Variants in OR13F1 observed in about 807,000 individuals in gnomAD.
OR13F1 encodes olfactory receptor family 13 subfamily F member 1, also known as olfactory receptor 13F1.
For missense variants in OR13F1, 386 were observed against 384.5 expected (o/e 1.00, Z -0.03); for synonymous variants, 142 against 149.1 (o/e 0.95, Z 0.34).
Position 104,504,977 on chromosome 9 carries a change from T to C in OR13F1, c.715T>C (p.Ser239Pro). Residue 239 changes from serine (S) to proline (P), a missense_variant, in exon 1 of 1, where the codon TCA becomes CCA. Transcript: ENST00000334726. ...SSVEGRSKAF[S>P]TCTAHLMVVV... ...AGTGGAAGGTCGAAGTAAAGCCTTT[T>C]CAACGTGCACAGCCCACCTGATGGT... The C allele has an allele frequency of 6.2e-7, 1 of 1,614,200 alleles. No homozygotes were observed. The highest frequency in any genetic ancestry group is 8.5e-7 in the Non-Finnish European group (1 of 1,180,036).
rs752827128 is a variant in OR13F1, at chr9:104,504,469, G to A, written c.207G>A (p.Leu69=). 6.2e-7 allele frequency: 1 copy of A among 1,613,662 alleles called. No individual in the cohort carries two copies. The highest frequency in any genetic ancestry group is 1.1e-5 in the South Asian group (1 of 91,058). Residue 69 remains leucine (L), a synonymous_variant, in exon 1 of 1, where the codon CTG becomes CTA. Transcript: ENST00000334726. Reference sequence around the variant, plus strand: ...TCTTCCTCAGCAATCTCTCCTTTCTGGACATCTGGTACTCCTCTTCTGCCC... The same window carrying A: ...TCTTCCTCAGCAATCTCTCCTTTCTAGACATCTGGTACTCCTCTTCTGCCC... The part of the protein sequence containing the change: ...MYLFLSNLSF[L]DIWYSSSALS...
chr9:104,504,628 G>A lies in OR13F1; in HGVS notation c.366G>A (p.Arg122=), dbSNP rs41277751. ...CVLLPMMAYD[R]YVAICNPLRY... is the part of the protein sequence containing the mutation. ...TCCTGCCCATGATGGCATATGACCG[G>A]TATGTGGCCATCTGCAACCCCCTGA... is the stretch of plus-strand genomic sequence containing the variant. The change falls in exon 1 of 1, where the codon CGG becomes CGA. Residue 122 remains arginine, a synonymous_variant. Transcript: ENST00000334726. 3.1e-3 allele frequency: 4,976 copies of A among 1,614,150 alleles called. 11 individuals carry two copies. Among genetic ancestry groups the A allele is most frequent in the Non-Finnish European group, 3.6e-3 (4,293 of 1,180,010 alleles).
Position 104,504,962 on chromosome 9 carries a change from C to G in OR13F1, c.700C>G (p.Arg234Gly). ...SILRISSVEG[R>G]SKAFSTCTAH... ...CCTGAGAATCAGCTCAGTGGAAGGTCGAAGTAAAGCCTTTTCAACGTGCAC... is the reference window on the plus strand; with the variant it reads ...CCTGAGAATCAGCTCAGTGGAAGGTGGAAGTAAAGCCTTTTCAACGTGCAC... Residue 234 changes from arginine (R) to glycine (G), a missense_variant, in exon 1 of 1, where the codon CGA becomes GGA. By Grantham distance (125) the Arg-to-Gly change is moderately radical (BLOSUM62 -2). Transcript: ENST00000334726. 6.2e-7 allele frequency: 1 copy of G among 1,614,068 alleles called. No individual in the cohort carries two copies. Among genetic ancestry groups the G allele is most frequent in the South Asian group, 1.1e-5 (1 of 91,072 alleles).
rs372415307 is a variant in OR13F1 at position 104,505,052 on chromosome 9, G to A, written c.790G>A (p.Ala264Thr). 5.3e-5 allele frequency: 85 copies of A among 1,613,902 alleles called. No homozygotes were observed. Among genetic ancestry groups the A allele is most frequent in the African/African-American group, 2.7e-4 (20 of 74,872 alleles). ...TALSMHLKPS[A>T]VDSQEIDKFM... ...TCTCTCCATGCACCTGAAGCCCTCC[G>A]CTGTAGATTCACAGGAAATAGACAA... is the stretch of plus-strand genomic sequence containing the variant. Residue 264 changes from alanine (A) to threonine (T), a missense_variant, in exon 1 of 1, where the codon GCT becomes ACT. Transcript: ENST00000334726.
Position 104,504,596 on chromosome 9 carries a change from T to C in OR13F1, c.334T>C (p.Cys112Arg). ...YLSLAMGSTE[C>R]VLLPMMAYDR... ...CTCCCTTGCCATGGGCTCCACTGAG[T>C]GTGTGCTCCTGCCCATGATGGCATA... The change falls in exon 1 of 1, where the codon TGT becomes CGT. Residue 112 changes from cysteine (C) to arginine (R), a missense_variant. Physicochemically the swap from Cys to Arg is radical, Grantham distance 180 (BLOSUM62 -3). Transcript: ENST00000334726. The C allele has an allele frequency of 1.2e-6, 2 of 1,614,180 alleles. No homozygotes were observed. The highest frequency in any genetic ancestry group is 1.6e-4 in the Middle Eastern group (1 of 6,062).
In OR13F1 at chr9:104,505,023, C is replaced by T. The variant is rs7030820; in HGVS notation, c.761C>T (p.Thr254Met). 942,887 of 1,613,442 alleles carry T rather than the reference C, an allele frequency of 0.58. 277,485 individuals carry two copies. The highest frequency in any genetic ancestry group is 0.6 in the Admixed American group (36,222 of 59,992). Residue 254 changes from threonine (T) to methionine (M), a missense_variant, in exon 1 of 1, where the codon ACG (threonine) becomes ATG (methionine). By Grantham distance (81) the Thr-to-Met change is moderately conservative. Coordinates refer to ENST00000334726, the MANE Select transcript of OR13F1 (RefSeq NM_001004485.1). ...ATGGTGGTAGTTTTGTTCTATGGGA[C>T]GGCTCTCTCCATGCACCTGAAGCCC... ...HLMVVVLFYG[T>M]ALSMHLKPSA... is the part of the protein sequence containing the mutation.
rs1046385144 is a variant in OR13F1 at position 104,504,984 on chromosome 9, G to T, written c.722G>T (p.Cys241Phe). Reference sequence around the variant, plus strand: ...GGTCGAAGTAAAGCCTTTTCAACGTGCACAGCCCACCTGATGGTGGTAGTT... The same window carrying T: ...GGTCGAAGTAAAGCCTTTTCAACGTTCACAGCCCACCTGATGGTGGTAGTT... ...VEGRSKAFST[C>F]TAHLMVVVLF... The change falls in exon 1 of 1, where the codon TGC becomes TTC. Residue 241 changes from cysteine (C) to phenylalanine (F), a missense_variant. Cys to Phe is a radical substitution (Grantham distance 205). Coordinates refer to ENST00000334726, the MANE Select transcript of OR13F1 (RefSeq NM_001004485.1). 1.1e-5 allele frequency: 17 copies of T among 1,614,124 alleles called. No individual in the cohort carries two copies. The highest frequency in any genetic ancestry group is 1.4e-5 in the Non-Finnish European group (16 of 1,180,020).
Position 104,504,657 on chromosome 9 carries a change from A to G in OR13F1, c.395A>G (p.Tyr132Cys), listed in dbSNP as rs755639295. Residue 132 changes from tyrosine (Y) to cysteine (C), a missense_variant, in exon 1 of 1, where the codon TAC (tyrosine) becomes TGC (cysteine). Physicochemically the swap from Tyr to Cys is radical, Grantham distance 194. Coordinates refer to ENST00000334726, the MANE Select transcript of OR13F1 (RefSeq NM_001004485.1). ...GTGGCCATCTGCAACCCCCTGAGAT[A>G]CCCTGTCATCATGAATAGGAGAACC... ...RYVAICNPLR[Y>C]PVIMNRRTCV... 6.2e-7 allele frequency: 1 copy of G among 1,614,038 alleles called. No individual in the cohort carries two copies. The highest frequency in any genetic ancestry group is 1.7e-5 in the Admixed American group (1 of 60,016).
In OR13F1 at chr9:104,504,478, G is replaced by T; in HGVS notation, c.216G>T (p.Trp72Cys). 1 of 1,613,740 alleles carries T rather than the reference G, an allele frequency of 6.2e-7. No individual in the cohort carries two copies. Reference sequence around the variant, plus strand: ...GCAATCTCTCCTTTCTGGACATCTGGTACTCCTCTTCTGCCCTCTCTCCAA... The same window carrying T: ...GCAATCTCTCCTTTCTGGACATCTGTTACTCCTCTTCTGCCCTCTCTCCAA... The part of the protein sequence containing the change: ...FLSNLSFLDI[W>C]YSSSALSPML... The change falls in exon 1 of 1, where the codon TGG (tryptophan) becomes TGT (cysteine). Residue 72 changes from tryptophan to cysteine, a missense_variant. Physicochemically the swap from Trp to Cys is radical, Grantham distance 215 (BLOSUM62 -2). Coordinates refer to ENST00000334726, the MANE Select transcript of OR13F1 (RefSeq NM_001004485.1).
Position 104,504,545 on chromosome 9 carries a change from T to A in OR13F1, c.283T>A (p.Ser95Thr). Reference sequence around the variant, plus strand: ...TTCAGGGAGAAACACTATTTCATTCTCAGGGTGCGCCACTCAGATGTACCT... The same window carrying A: ...TTCAGGGAGAAACACTATTTCATTCACAGGGTGCGCCACTCAGATGTACCT... ...FVSGRNTISF[S>T]GCATQMYLSL... Residue 95 changes from serine to threonine, a missense_variant, in exon 1 of 1, where the codon TCA becomes ACA. By Grantham distance (58) the Ser-to-Thr change is moderately conservative (BLOSUM62 1). Coordinates refer to ENST00000334726, the MANE Select transcript of OR13F1 (RefSeq NM_001004485.1). 1 of 1,614,160 alleles carries A rather than the reference T, an allele frequency of 6.2e-7. No homozygotes were observed. Among genetic ancestry groups the A allele is most frequent in the Non-Finnish European group, 8.5e-7 (1 of 1,179,988 alleles).
In OR13F1 at chr9:104,504,443, C is replaced by T. The variant is rs1197836464; in HGVS notation, c.181C>T (p.Leu61Phe). The change falls in exon 1 of 1, where the codon CTC becomes TTC. Residue 61 changes from leucine to phenylalanine, a missense_variant. By Grantham distance (22) the Leu-to-Phe change is conservative (BLOSUM62 0). Transcript: ENST00000334726. ...LDSHLHTPMYLFLSNLSFLDI... is the reference protein window; with the variant it reads ...LDSHLHTPMYFFLSNLSFLDI... ...TTCCCACCTGCACACCCCTATGTACCTCTTCCTCAGCAATCTCTCCTTTCT... is the reference window on the plus strand; with the variant it reads ...TTCCCACCTGCACACCCCTATGTACTTCTTCCTCAGCAATCTCTCCTTTCT... The T allele has an allele frequency of 6.2e-7, 1 of 1,613,534 alleles. No individual in the cohort carries two copies. The highest frequency in any genetic ancestry group is 8.5e-7 in the Non-Finnish European group (1 of 1,179,580).
rs140819598 is a variant in OR13F1 at position 104,504,553 on chromosome 9, C to T, written c.291C>T (p.Cys97=). 8.7e-6 allele frequency: 14 copies of T among 1,613,954 alleles called. No individual in the cohort carries two copies. The highest frequency in any genetic ancestry group is 6.7e-5 in the East Asian group (3 of 44,880). The part of the protein sequence containing the change: ...SGRNTISFSG[C]ATQMYLSLAM... The stretch of plus-strand genomic sequence containing the variant: ...GAAACACTATTTCATTCTCAGGGTG[C>T]GCCACTCAGATGTACCTCTCCCTTG... The change falls in exon 1 of 1, where the codon TGC becomes TGT. Residue 97 remains cysteine (C), a synonymous_variant. Coordinates refer to ENST00000334726, the MANE Select transcript of OR13F1 (RefSeq NM_001004485.1).
In OR13F1 at chr9:104,504,334, G is replaced by A; in HGVS notation, c.72G>A (p.Gln24=). ...GATTTTTTCACTACCCCAAAGTTCA[G>A]GTCATCATATTTGCGGTGTGCTTGC... is the stretch of plus-strand genomic sequence containing the variant. The part of the protein sequence containing the change: ...FLGFFHYPKV[Q]VIIFAVCLLM... Residue 24 remains glutamine (Q), a synonymous_variant, in exon 1 of 1, where the codon CAG becomes CAA. Coordinates refer to ENST00000334726, the MANE Select transcript of OR13F1 (RefSeq NM_001004485.1). 1 of 1,613,860 alleles carries A rather than the reference G, an allele frequency of 6.2e-7. No individual in the cohort carries two copies. The highest frequency in any genetic ancestry group is 2.2e-5 in the East Asian group (1 of 44,874).
chr9:104,504,901 C>T lies in OR13F1; in HGVS notation c.639C>T (p.Leu213=), dbSNP rs1395463815. 6.2e-7 allele frequency: 1 copy of T among 1,614,058 alleles called. No homozygotes were observed. The highest frequency in any genetic ancestry group is 8.5e-7 in the Non-Finnish European group (1 of 1,179,916). Reference sequence around the variant, plus strand: ...TTCTTCTCCCCATGCCAATGCTACTCATTTGTATCTCTTATGCATTTATCC... The same window carrying T: ...TTCTTCTCCCCATGCCAATGCTACTTATTTGTATCTCTTATGCATTTATCC... ...SVLLLPMPML[L]ICISYAFILA... is the part of the protein sequence containing the mutation. The change falls in exon 1 of 1, where the codon CTC becomes CTT. Residue 213 remains leucine (L), a synonymous_variant. Transcript: ENST00000334726.
chr9:104,505,171 A>T lies in OR13F1; in HGVS notation c.909A>T (p.Lys303Asn). The change falls in exon 1 of 1, where the codon AAA becomes AAT. Residue 303 changes from lysine to asparagine, a missense_variant. By Grantham distance (94) the Lys-to-Asn change is moderately conservative (BLOSUM62 0). Coordinates refer to ENST00000334726, the MANE Select transcript of OR13F1 (RefSeq NM_001004485.1). The part of the protein sequence containing the change: ...RNKEVKVALK[K>N]LLIRNHFNTA... Reference sequence around the variant, plus strand: ...AAGAGGTGAAAGTGGCCTTGAAAAAATTGCTGATTAGAAATCATTTTAATA... The same window carrying T: ...AAGAGGTGAAAGTGGCCTTGAAAAATTTGCTGATTAGAAATCATTTTAATA... The T allele has an allele frequency of 6.2e-7, 1 of 1,613,602 alleles. No individual in the cohort carries two copies. Among genetic ancestry groups the T allele is most frequent in the Non-Finnish European group, 8.5e-7 (1 of 1,179,502 alleles).
At position 104,504,294 on chromosome 9, in the gene OR13F1, T is replaced by C. The variant is rs758960112; in HGVS notation, c.32T>C (p.Val11Ala). 1.9e-6 allele frequency: 3 copies of C among 1,612,882 alleles called. No homozygotes were observed. The highest frequency in any genetic ancestry group is 4.5e-5 in the East Asian group (2 of 44,870). The change falls in exon 1 of 1, where the codon GTA becomes GCA. Residue 11 changes from valine to alanine, a missense_variant. Physicochemically the swap from Val to Ala is moderately conservative, Grantham distance 64. Transcript: ENST00000334726. ...CCGGCAAATTGGACATCTGTAAAAG[T>C]ATTTTTCTTCCTGGGATTTTTTCAC... MFPANWTSVK[V>A]FFFLGFFHYP...
In OR13F1 at chr9:104,504,298, T is replaced by C. The variant is rs775262560; in HGVS notation, c.36T>C (p.Phe12=). The C allele has an allele frequency of 1.5e-5, 24 of 1,613,020 alleles. No homozygotes were observed. The highest frequency in any genetic ancestry group is 1.9e-5 in the Non-Finnish European group (22 of 1,179,322). The part of the protein sequence containing the change: ...FPANWTSVKV[F]FFLGFFHYPK... ...CAAATTGGACATCTGTAAAAGTATT[T>C]TTCTTCCTGGGATTTTTTCACTACC... is the stretch of plus-strand genomic sequence containing the variant. Residue 12 remains phenylalanine, a synonymous_variant, in exon 1 of 1, where the codon TTT becomes TTC. Transcript: ENST00000334726.
chr9:104,504,769 T>C lies in OR13F1; in HGVS notation c.507T>C (p.Cys169=). ...EMMSVLPLSL[C]GNSIINHFTC... ...TGTCTGTGCTGCCACTGTCTCTCTG[T>C]GGTAATAGCATCATCAATCATTTCA... Residue 169 remains cysteine (C), a synonymous_variant, in exon 1 of 1, where the codon TGT becomes TGC. Coordinates refer to ENST00000334726, the MANE Select transcript of OR13F1 (RefSeq NM_001004485.1). 1.2e-6 allele frequency: 2 copies of C among 1,614,120 alleles called. No homozygotes were observed. Among genetic ancestry groups the C allele is most frequent in the Non-Finnish European group, 1.7e-6 (2 of 1,180,012 alleles).
Position 104,505,220 on chromosome 9 carries a change from T to G in OR13F1, c.958T>G (p.Ter320GluextTer?). The G allele has an allele frequency of 6.2e-7, 1 of 1,610,384 alleles. No homozygotes were observed. Among genetic ancestry groups the G allele is most frequent in the Non-Finnish European group, 8.5e-7 (1 of 1,177,804 alleles). Residue 320 changes from the stop codon to glutamate (E), a stop_lost, in exon 1 of 1, where the codon TAA becomes GAA. Transcript: ENST00000334726. ...TACTGCCTTCATTTCCATCCTCAAATAACAATCACACTCATATAGATAATC... is the reference window on the plus strand; with the variant it reads ...TACTGCCTTCATTTCCATCCTCAAAGAACAATCACACTCATATAGATAATC... ...FNTAFISILK* is the reference protein window; with the variant it reads ...FNTAFISILKE
Sources: allele counts gnomAD v4.1 joint callset, GRCh38; gene constraint gnomAD v4.1.1; transcripts MANE v1.5; gene names NCBI Gene and HGNC (gene_info 2026-07-23, HGNC 2026-07-21).